KLKB1: variants seen among roughly 807,000 people sequenced by gnomAD.
The protein encoded by KLKB1 is plasma kallikrein.
KLKB1 carries 58 observed loss-of-function variants against 73.6 expected under a neutral mutation model. The ratio of observed to expected loss-of-function variants is 0.79; its 90% CI spans 0.64 to 0.98. The LOEUF (loss-of-function observed/expected upper bound fraction) is 0.98. Ranked by LOEUF, KLKB1 falls within the 50% of genes least tolerant of loss-of-function variation. The pLI is 0.00. For missense variants in KLKB1, 737 were observed against 763.8 expected (o/e 0.96, Z 0.41); for synonymous variants, 280 against 258.1 (o/e 1.08, Z -0.81).
intron 2 of KLKB1, among the ~76,000 whole-genome samples, chr4:186,231,429 C>A (rs1737394934): frequency 6.6e-6 from 1 of 152,188 alleles, no homozygotes; most frequent in Non-Finnish European, 1.5e-5. Context: ...TTCCAAACAG[C>A]AAATAGTTCA....
At chr4:186,248,464 T>A (rs1738498442) in intron 6 of KLKB1, among the ~76,000 whole-genome samples, 1 of 152,160 alleles carries the variant, frequency 6.6e-6, no homozygotes, top group Non-Finnish European at 1.5e-5. Context: ...CTGGCGTGTT[T>A]TCAAGGCTCA....
At chr4:186,232,434 A>C in intron 3 of KLKB1, 145 bp downstream of exon 3, 1 of 750,352 alleles carries the variant, frequency 1.3e-6, no homozygotes, top group South Asian at 1.7e-5. Flanking sequence ...TGGTTCTTAC[A>C]AATGCAGATT....
Position 186,254,663 on chromosome 4 carries a change from C to T in KLKB1, c.1389C>T (p.Phe463=). The T allele has an allele frequency of 6.2e-7, 1 of 1,613,406 alleles. No individual in the cohort carries two copies. Among genetic ancestry groups the T allele is most frequent in the Non-Finnish European group, 8.5e-7 (1 of 1,179,338 alleles). ...NLSDITKDTP[F]SQIKEIIIHQ... ...CAGACATTACAAAAGATACACCTTT[C>T]TCACAAATAAAAGAGATTATTATTC... Residue 463 remains phenylalanine (F), a synonymous_variant, in exon 12 of 15, where the codon TTC becomes TTT. Coordinates refer to ENST00000264690, the MANE Select transcript of KLKB1 (RefSeq NM_000892.5).
intron 6 of KLKB1, 25 bp downstream of exon 6, chr4:186,238,390 G>A (rs1411354143): frequency 2.7e-6 from 4 of 1,495,490 alleles, no homozygotes; most frequent in Non-Finnish European, 3.7e-6. Context: ...ACTTCACTTT[G>A]TGATTGTGGT....
At chr4:186,228,367 C>T in intron 2 of KLKB1, 114 bp downstream of exon 2, 1 of 717,956 alleles carries the variant, frequency 1.4e-6, no homozygotes, top group Non-Finnish European at 2.6e-6. Context: ...TGGAGATTGT[C>T]CCTGATGATT....
At chr4:186,222,533 T>G (rs1041293891), upstream of KLKB1, among the ~76,000 whole-genome samples, 3 of 152,244 alleles carry the variant, frequency 2.0e-5, no homozygotes, top group African/African-American at 7.2e-5. Context: ...TTAAAAATAC[T>G]GTATTTTAAC....
upstream of KLKB1, among the ~76,000 whole-genome samples, chr4:186,226,229 C>T (rs994116353): frequency 3.1e-5 from 1 of 32,782 alleles, no homozygotes; most frequent in African/African-American, 1.4e-4. Flanking sequence ...TTTCTTAAGG[C>T]AATTATTTTT....
At chr4:186,235,457 G>A (rs538430358) in intron 4 of KLKB1, among the ~76,000 whole-genome samples, 80 of 152,204 alleles carry the variant, frequency 5.3e-4, no homozygotes, top group Admixed American at 3.5e-3. Flanking sequence ...GTTTTTATTT[G>A]TAAGAGTCGC....
At chr4:186,248,665 A>T (rs997070697) in intron 6 of KLKB1, among the ~76,000 whole-genome samples, 3 of 138,568 alleles carry the variant, frequency 2.2e-5, no homozygotes, top group African/African-American at 8.3e-5. Context: ...GTAGGCATGC[A>T]TTTTAAATTC....
chr4:186,222,218 C>T (rs1370827258), upstream of KLKB1, among the ~76,000 whole-genome samples: 9 of 152,166 alleles, frequency 5.9e-5, no homozygotes, highest in Admixed American at 5.9e-4. Flanking sequence ...CACTCATCCA[C>T]TCTCTCTTTT....
intron 3 of KLKB1, among the ~76,000 whole-genome samples, chr4:186,232,714 C>T (rs1737458893): frequency 6.6e-6 from 1 of 152,106 alleles, no homozygotes. Flanking sequence ...ATAAGACAAG[C>T]ATTTTGCTGA....
At chr4:186,240,064 A>T (rs950167105) in intron 6 of KLKB1, among the ~76,000 whole-genome samples, 4 of 150,430 alleles carry the variant, frequency 2.7e-5, no homozygotes, top group Non-Finnish European at 6.0e-5. Flanking sequence ...ATATTGTTAT[A>T]GTTATAGGAA....
chr4:186,237,834 C>T (rs1561454060), intron 5 of KLKB1, among the ~76,000 whole-genome samples: 1 of 152,110 alleles, frequency 6.6e-6, no homozygotes, highest in Admixed American at 6.6e-5. Context: ...TCTCTGTCAC[C>T]TTCCCAGTCT....
intron 2 of KLKB1, among the ~76,000 whole-genome samples, chr4:186,220,494 C>G (rs752230874): frequency 6.6e-6 from 1 of 152,186 alleles, no homozygotes; most frequent in Non-Finnish European, 1.5e-5. Context: ...CATACTCTGG[C>G]TACCACCATT....
upstream of KLKB1, among the ~76,000 whole-genome samples, chr4:186,222,992 A>G (rs1440194273): frequency 2.0e-5 from 3 of 152,120 alleles, no homozygotes; most frequent in South Asian, 2.1e-4. Context: ...TTATGTTCTC[A>G]TGATAGTGAG....
At chr4:186,237,501 C>G (rs1175809309) in intron 5 of KLKB1, among the ~76,000 whole-genome samples, 3 of 152,174 alleles carry the variant, frequency 2.0e-5, no homozygotes, top group African/African-American at 4.8e-5. Flanking sequence ...TCCTCTTCCC[C>G]TACTTCTCCA....
intron 5 of KLKB1, 143 bp downstream of exon 5, chr4:186,237,083 A>G (rs945195119): frequency 1.4e-6 from 1 of 696,196 alleles, no homozygotes; most frequent in South Asian, 2.1e-5. Context: ...ACTCTATTTT[A>G]TTTTTTTATC....
chr4:186,229,970 A>G (rs892382926), intron 2 of KLKB1, among the ~76,000 whole-genome samples: 4 of 152,132 alleles, frequency 2.6e-5, no homozygotes, highest in African/African-American at 7.2e-5. Context: ...CTTGAAACTT[A>G]AGACAATACA....
chr4:186,212,387 A>T (rs990714542), intron 2 of KLKB1: 1 of 152,210 alleles, frequency 6.6e-6, no homozygotes, highest in Non-Finnish European at 1.5e-5. Flanking sequence ...AACCTTATAG[A>T]TCATACTTAT....
Sources: gnomAD v4.1 joint callset for allele counts (sites outside exome capture counted in the v4.1 genomes callset) on GRCh38, gnomAD v4.1.1 for gene constraint, MANE v1.5 for transcripts, NCBI Gene and HGNC (gene_info 2026-07-23, HGNC 2026-07-21) for gene names.